The following ATP6AP2 variants were observed in gnomAD, a reference collection of about 807,000 sequenced individuals.
The protein encoded by ATP6AP2 is ATPase H+ transporting accessory protein 2.
In ATP6AP2, 1 loss-of-function variant was observed where a neutral mutation model predicts 23.4. The observed-to-expected ratio is 0.04, with a 90% CI of 0.02 to 0.20. ATP6AP2 has a LOEUF of 0.20. ATP6AP2 is among the 10% of genes least tolerant of loss of function. The probability of loss-of-function intolerance (pLI) is 1.00; values close to 1 mark genes in which losing one functional copy is unlikely to be tolerated. For missense variants in ATP6AP2, 174 were observed against 271.3 expected (o/e 0.64, Z 2.52); for synonymous variants, 90 against 97.1 (o/e 0.93, Z 0.43).
chrX:40,589,064 G>A lies in ATP6AP2; in HGVS notation c.116G>A (p.Gly39Glu). ...VFRNGNWPIP[G>E]ERIPDVAALS... ...CGAAATGGAAATTGGCCTATACCAG[G>A]AGAGCGGATCCCAGACGTGGCTGCA... Residue 39 changes from glycine (G) to glutamate (E), a missense_variant, in exon 2 of 9, where the codon GGA becomes GAA. Physicochemically the swap from Gly to Glu is moderately conservative, Grantham distance 98. Coordinates refer to ENST00000636580, the MANE Select transcript of ATP6AP2 (RefSeq NM_005765.3). The A allele has an allele frequency of 8.3e-7, 1 of 1,209,790 alleles. No homozygotes were observed. The highest frequency in any genetic ancestry group is 1.1e-6 in the Non-Finnish European group (1 of 894,346).
Position 40,589,041 on chromosome X carries a change from A to C in ATP6AP2, c.93A>C (p.Arg31=). The C allele has an allele frequency of 8.3e-7, 1 of 1,209,774 alleles. No homozygotes were observed. The highest frequency in any genetic ancestry group is 1.1e-6 in the Non-Finnish European group (1 of 894,065). The change falls in exon 2 of 9, where the codon CGA becomes CGC. Residue 31 remains arginine (R), a synonymous_variant. Coordinates refer to ENST00000636580, the MANE Select transcript of ATP6AP2 (RefSeq NM_005765.3). The part of the protein sequence containing the change: ...ILKSPGSVVF[R]NGNWPIPGER... ...AATCACCAGGGTCTGTTGTTTTCCG[A>C]AATGGAAATTGGCCTATACCAGGAG...
At chrX:40,598,857 T>G in intron 6 of ATP6AP2, 123 bp downstream of exon 6, 1 of 693,233 alleles carries the variant, frequency 1.4e-6, no homozygotes, top group Non-Finnish European at 2.2e-6. Context: ...CCCATGAAAA[T>G]TGAAAAATTA....
rs1602406701 is a variant in ATP6AP2 at position 40,606,579 on chromosome X, A to T, written c.*824A>T. 1 of 112,554 alleles carries T rather than the reference A, an allele frequency of 8.9e-6. No homozygotes were observed. Among genetic ancestry groups the T allele is most frequent in the Middle Eastern group, 4.6e-3 (1 of 216 alleles). The allele number at this position is 112,554 out of a possible 1,213,427, so 9.3% of individuals were successfully genotyped here. A position where few individuals can be genotyped will look rare whatever the true frequency, so the allele number is the denominator to read the frequency against. ...TGGAAGTGGGTGAATTCTACTTTTT[A>T]TGTTGGAGTGGACCAATGTCTATCA... is the stretch of plus-strand genomic sequence containing the variant. On this transcript the variant is annotated 3_prime_UTR_variant, in exon 9 of 9. Transcript: ENST00000636580.
chrX:40,597,951 C>CT, intron 5 of ATP6AP2: 1 of 287,231 alleles, frequency 3.5e-6, no homozygotes, highest in Non-Finnish European at 6.3e-6. Context: ...TCTTATGACT[C>CT]TCATGAATAA....
At chrX:40,594,822 A>T (rs1327909799) in intron 3 of ATP6AP2, among the ~76,000 whole-genome samples, 1 of 112,601 alleles carries the variant, frequency 8.9e-6, no homozygotes, top group Non-Finnish European at 1.9e-5. Flanking sequence ...CTGAGTAACA[A>T]TGAATGTAGC....
chrX:40,588,390 A>G (rs1926535344), intron 1 of ATP6AP2, among the ~76,000 whole-genome samples: 1 of 83,966 alleles, frequency 1.2e-5, no homozygotes, highest in Non-Finnish European at 2.1e-5. Flanking sequence ...TGCCTATGGG[A>G]CATAAGGAAA....
At chrX:40,581,322 G>A (rs1406540161) in intron 1 of ATP6AP2, among the ~76,000 whole-genome samples, 2 of 113,400 alleles carry the variant, frequency 1.8e-5, no homozygotes, top group Non-Finnish European at 3.8e-5. Flanking sequence ...GCTGCGTAGG[G>A]GGCCCCTGAG....
intron 3 of ATP6AP2, chrX:40,592,412 G>T (rs1395671468): frequency 9.0e-6 from 1 of 111,072 alleles, no homozygotes; most frequent in Non-Finnish European, 1.9e-5. Flanking sequence ...CCCAGCTTTG[G>T]GAGGCCAAGA....
chrX:40,598,939 G>C, intron 6 of ATP6AP2: 1 of 431,312 alleles, frequency 2.3e-6, no homozygotes, highest in Non-Finnish European at 4.0e-6. Flanking sequence ...TTTTTAGGGA[G>C]AGACAACATA....
At chrX:40,585,565 T>A (rs952252892) in intron 1 of ATP6AP2, among the ~76,000 whole-genome samples, 1 of 110,901 alleles carries the variant, frequency 9.0e-6, no homozygotes, top group Non-Finnish European at 1.9e-5. Context: ...GCTTGGAAGG[T>A]GTGGGCGGCC....
intron 1 of ATP6AP2, among the ~76,000 whole-genome samples, chrX:40,588,589 T>G (rs1444886264): frequency 9.0e-6 from 1 of 111,349 alleles, no homozygotes; most frequent in East Asian, 2.8e-4. Flanking sequence ...TGCCACTGAT[T>G]TCTAATTCCT....
At position 40,586,590 on chromosome X, in the gene ATP6AP2, C is replaced by A. The variant is rs1377618312; in HGVS notation, c.38-2396C>A. Among the ~76,000 whole-genome samples, 7 of 111,619 alleles carry A rather than the reference C, an allele frequency of 6.3e-5. No individual in the cohort carries two copies. In the East Asian group the frequency reaches 2.0e-3, roughly 31 times the overall value. On this transcript the variant is annotated intron_variant, in intron 1 of 8. Coordinates refer to ENST00000636580, the MANE Select transcript of ATP6AP2 (RefSeq NM_005765.3). ...GAAAGTTAGGAAGCCCATTTCAGTTCAGTACAAGGAAAAACTTTTCAAAGG... is the reference window on the plus strand; with the variant it reads ...GAAAGTTAGGAAGCCCATTTCAGTTAAGTACAAGGAAAAACTTTTCAAAGG...
chrX:40,595,361 A>G (rs1024885445), intron 3 of ATP6AP2, among the ~76,000 whole-genome samples: 1 of 112,145 alleles, frequency 8.9e-6, no homozygotes, highest in Non-Finnish European at 1.9e-5. Context: ...TTGATTAGCT[A>G]GCTGTTTTAG....
chrX:40,585,379 G>T (rs1926438587), intron 1 of ATP6AP2, among the ~76,000 whole-genome samples: 1 of 111,893 alleles, frequency 8.9e-6, no homozygotes, highest in Non-Finnish European at 1.9e-5. Context: ...GAAAGAAACA[G>T]AGGAGAAGCA....
At chrX:40,581,228 C>T (rs1454227456) in intron 1 of ATP6AP2, 126 bp downstream of exon 1, 3 of 745,707 alleles carry the variant, frequency 4.0e-6, no homozygotes, top group Non-Finnish European at 5.3e-6. Flanking sequence ...CAGCGGCGGC[C>T]TCGCCTCAGC....
At chrX:40,597,731 G>GA in intron 5 of ATP6AP2, 67 bp downstream of exon 5, 1 of 1,094,832 alleles carries the variant, frequency 9.1e-7, no homozygotes, top group Non-Finnish European at 1.3e-6. Flanking sequence ...AATAGAGACA[G>GA]GGTCTCACTC....
chrX:40,599,770 G>T, intron 7 of ATP6AP2, 29 bp downstream of exon 7: 1 of 1,206,526 alleles, frequency 8.3e-7, no homozygotes. Flanking sequence ...TGAGAGGTTG[G>T]AGTATGACCA....
chrX:40,595,118 T>A (rs1051350937), intron 3 of ATP6AP2, among the ~76,000 whole-genome samples: 1 of 112,255 alleles, frequency 8.9e-6, no homozygotes, highest in South Asian at 3.7e-4. Context: ...AAATGCCATT[T>A]TGAGATTTTT....
At chrX:40,601,580 A>G (rs1926906228) in intron 8 of ATP6AP2, among the ~76,000 whole-genome samples, 1 of 112,217 alleles carries the variant, frequency 8.9e-6, no homozygotes, top group African/African-American at 3.2e-5. Context: ...ACATTTACAT[A>G]CATACATATA....
Sources: gnomAD v4.1 joint callset for allele counts (sites outside exome capture counted in the v4.1 genomes callset) on GRCh38, gnomAD v4.1.1 for gene constraint, MANE v1.5 for transcripts, NCBI Gene and HGNC (gene_info 2026-07-23, HGNC 2026-07-21) for gene names.